Variants in TNS3 observed in about 807,000 individuals in gnomAD.
TNS3 encodes the protein tensin-3.
Under a neutral mutation model 140.9 loss-of-function variants are expected in TNS3, and 45 were observed. The observed-to-expected ratio is 0.32, with a 90% CI of 0.25 to 0.41. The LOEUF (loss-of-function observed/expected upper bound fraction) is 0.41. Among genes scored for constraint, TNS3 ranks in the 10% least tolerant of loss-of-function variants. The pLI is 1.00. For synonymous variants in TNS3, 815 were observed against 788.4 expected (o/e 1.03, Z -0.56); for missense variants, 1,716 against 1,906.7 (o/e 0.90, Z 1.86).
chr7:47,396,544 T>C (rs1225843845), intron 16 of TNS3: 2 of 501,464 alleles, frequency 4.0e-6, no homozygotes, highest in Non-Finnish European at 7.2e-6. Context: ...AAGGAGCTCC[T>C]GGATATAACT....
At chr7:47,531,956 G>A (rs1394121233) in intron 1 of TNS3, among the ~76,000 whole-genome samples, 6 of 152,178 alleles carry the variant, frequency 3.9e-5, no homozygotes, top group Admixed American at 6.5e-5. Flanking sequence ...CCACACAGGC[G>A]GGAGCTGGGG....
intron 17 of TNS3, among the ~76,000 whole-genome samples, chr7:47,364,062 G>A (rs1790550745): frequency 6.6e-6 from 1 of 152,022 alleles, no homozygotes; most frequent in Admixed American, 6.6e-5. Context: ...TAGCTGCTTT[G>A]CTACCACACT....
At chr7:47,391,596 G>A (rs570050651) in intron 16 of TNS3, among the ~76,000 whole-genome samples, 7 of 152,332 alleles carry the variant, frequency 4.6e-5, no homozygotes, top group Non-Finnish European at 7.3e-5. Flanking sequence ...GATGTCCAGC[G>A]AGGAAAATGA....
chr7:47,447,248 ATGTTTGTTTGTT>A lies in TNS3; in HGVS notation c.-75-5205_-75-5194del, dbSNP rs3037478. On this transcript the variant is annotated intron_variant, in intron 4 of 30. Coordinates refer to ENST00000311160, the MANE Select transcript of TNS3 (RefSeq NM_022748.12). ...CTGGAGGGTCATTCTGGTTCCACAT[ATGTTTGTTTGTT>A]TGTTTGTTTGTTTGTTTGTTTGTTT... 6.9e-3 allele frequency among the ~76,000 whole-genome samples: 1,026 copies of A among 149,186 alleles called. 10 individuals carry two copies. The highest frequency in any genetic ancestry group is 0.022 in the African/African-American group (896 of 40,480).
At chr7:47,367,030 T>C (rs781630230) in intron 17 of TNS3, among the ~76,000 whole-genome samples, 3 of 152,216 alleles carry the variant, frequency 2.0e-5, no homozygotes, top group Non-Finnish European at 4.4e-5. Context: ...AACGTGCCAA[T>C]GTGGGAGGCC....
At chr7:47,482,235 T>C (rs1265619682) in intron 3 of TNS3, among the ~76,000 whole-genome samples, 1 of 152,138 alleles carries the variant, frequency 6.6e-6, no homozygotes, top group Non-Finnish European at 1.5e-5. Flanking sequence ...GTACTTGTGG[T>C]TTGGAGTGGG....
At chr7:47,283,535 C>T (rs892541818) in intron 28 of TNS3, among the ~76,000 whole-genome samples, 162 bp downstream of exon 28, 4 of 152,152 alleles carry the variant, frequency 2.6e-5, no homozygotes, top group East Asian at 1.9e-4. Context: ...GTTCCCAGGA[C>T]GTATTTAATG....
intron 17 of TNS3, among the ~76,000 whole-genome samples, chr7:47,357,142 A>G (rs1290281433): frequency 6.6e-6 from 1 of 152,186 alleles, no homozygotes; most frequent in Non-Finnish European, 1.5e-5. Context: ...AAAACTCATG[A>G]CATGCTAGAA....
intron 4 of TNS3, among the ~76,000 whole-genome samples, chr7:47,473,333 A>G (rs1797036438): frequency 1.3e-5 from 2 of 152,184 alleles, no homozygotes; most frequent in African/African-American, 4.8e-5. Flanking sequence ...TGGAGATCAG[A>G]GAGATTAAGG....
intron 15 of TNS3, among the ~76,000 whole-genome samples, chr7:47,398,601 G>A (rs187702519): frequency 2.0e-4 from 31 of 152,154 alleles, no homozygotes; most frequent in African/African-American, 7.5e-4. Context: ...ATGTGAAAAA[G>A]GCATTCGATA....
At chr7:47,363,017 AGGGT>A (rs1562638706) in intron 17 of TNS3, among the ~76,000 whole-genome samples, 4 of 144,104 alleles carry the variant, frequency 2.8e-5, no homozygotes, top group Non-Finnish European at 4.4e-5. Context: ...CACCATCATC[AGGGT>A]CATCACCATC....
At chr7:47,370,948 C>T (rs1261403116) in intron 16 of TNS3, among the ~76,000 whole-genome samples, 1 of 152,232 alleles carries the variant, frequency 6.6e-6, no homozygotes, top group East Asian at 1.9e-4. Context: ...AACACTGGGA[C>T]AACGTGTTGG....
At chr7:47,495,699 C>A (rs1367892875) in intron 3 of TNS3, among the ~76,000 whole-genome samples, 1 of 152,142 alleles carries the variant, frequency 6.6e-6, no homozygotes, top group African/African-American at 2.4e-5. Flanking sequence ...CCAGAAAGTC[C>A]CGGAGATAAG....
intron 15 of TNS3, among the ~76,000 whole-genome samples, chr7:47,399,829 C>T (rs1793053864): frequency 6.6e-6 from 1 of 152,028 alleles, no homozygotes; most frequent in Non-Finnish European, 1.5e-5. Flanking sequence ...GTAAATGGGA[C>T]CGAATTAAAC....
intron 4 of TNS3, among the ~76,000 whole-genome samples, chr7:47,446,268 T>C (rs1799383): frequency 0.26 from 39,984 of 152,020 alleles, 5,718 homozygotes; most frequent in Non-Finnish European, 0.33. Context: ...CCTGCTACCA[T>C]GCCCAGCTAA....
chr7:47,285,375 G>A (rs1220943563), intron 27 of TNS3, among the ~76,000 whole-genome samples: 1 of 152,174 alleles, frequency 6.6e-6, no homozygotes, highest in East Asian at 1.9e-4. Context: ...CTGGTGGGAG[G>A]TAATTGAATC....
chr7:47,571,151 G>A lies in TNS3; in HGVS notation c.-265+10900C>T, dbSNP rs988125635. 8.3e-4 allele frequency among the ~76,000 whole-genome samples: 126 copies of A among 152,324 alleles called. 2 individuals carry two copies. The highest frequency in any genetic ancestry group is 6.8e-3 in the Middle Eastern group (2 of 294). On this transcript the variant is annotated intron_variant, in intron 1 of 30. Coordinates refer to ENST00000311160, the MANE Select transcript of TNS3 (RefSeq NM_022748.12). ...TCTTTTGGGGTCAGAGCTCTCAAAA[G>A]GGTGACCAACCACAGATGAAAGAAA...
intron 20 of TNS3, among the ~76,000 whole-genome samples, chr7:47,322,993 C>T (rs1357049831): frequency 1.3e-5 from 2 of 152,166 alleles, no homozygotes; most frequent in African/African-American, 4.8e-5. Flanking sequence ...AGGGAGGGGT[C>T]CCCTGCTGAG....
At chr7:47,417,383 A>T (rs1232367600) in intron 10 of TNS3, among the ~76,000 whole-genome samples, 4 of 152,242 alleles carry the variant, frequency 2.6e-5, no homozygotes, top group Non-Finnish European at 5.9e-5. Context: ...GAGGAGGGCC[A>T]AGCTGACAGC....
Sources: allele counts gnomAD v4.1 joint callset (sites outside exome capture counted in the v4.1 genomes callset), GRCh38; gene constraint gnomAD v4.1.1; transcripts MANE v1.5; gene names NCBI Gene and HGNC (gene_info 2026-07-23, HGNC 2026-07-21).